ATP10A: variants seen among roughly 807,000 people sequenced by gnomAD.
The protein encoded by ATP10A is ATPase phospholipid transporting 10A (putative).
A neutral mutation model predicts 147.8 loss-of-function variants in ATP10A; 111 were observed. That is an observed-to-expected ratio of 0.75 (90% CI 0.64 to 0.88). The LOEUF (loss-of-function observed/expected upper bound fraction) is 0.88, where lower values mean the gene tolerates loss of function less well. ATP10A is among the 40% of genes least tolerant of loss of function. The pLI is 0.00. For missense variants in ATP10A, 1,927 were observed against 1,959.0 expected, an observed-to-expected ratio of 0.98 and a Z score of 0.31; for synonymous variants, 875 against 841.6, an observed-to-expected ratio of 1.04 and a Z score of -0.69.
At chr15:25,762,277 C>A (rs930370791) in intron 2 of ATP10A, among the ~76,000 whole-genome samples, 2 of 152,090 alleles carry the variant, frequency 1.3e-5, no homozygotes, top group Non-Finnish European at 2.9e-5. Flanking sequence ...TATAAATTAC[C>A]CAGTCTTGGG....
chr15:25,776,414 A>C (rs573711349), intron 2 of ATP10A, among the ~76,000 whole-genome samples: 1 of 152,366 alleles, frequency 6.6e-6, no homozygotes, highest in Admixed American at 6.5e-5. Context: ...GATAATCATT[A>C]TCTCACAAGA....
chr15:25,770,100 T>C (rs548051223), intron 2 of ATP10A, among the ~76,000 whole-genome samples: 1 of 152,292 alleles, frequency 6.6e-6, no homozygotes, highest in Non-Finnish European at 1.5e-5. Context: ...TCATGGCACC[T>C]TGTTATGGCA....
chr15:25,682,214 G>A (rs1596675150), intron 17 of ATP10A, among the ~76,000 whole-genome samples: 1 of 152,080 alleles, frequency 6.6e-6, no homozygotes, highest in Non-Finnish European at 1.5e-5. Flanking sequence ...TGCCTCTCTT[G>A]GTGGTGGGTC....
At chr15:25,780,501 G>C (rs2140704801) in intron 2 of ATP10A, among the ~76,000 whole-genome samples, 1 of 152,344 alleles carries the variant, frequency 6.6e-6, no homozygotes, top group African/African-American at 2.4e-5. Flanking sequence ...TGGAGTCGGT[G>C]TGTGCAGCTG....
At chr15:25,715,777 C>T (rs1349979844) in intron 9 of ATP10A, among the ~76,000 whole-genome samples, 3 of 152,194 alleles carry the variant, frequency 2.0e-5, no homozygotes, top group African/African-American at 7.2e-5. Context: ...CCTTGTTCAC[C>T]CCACATCGCC....
intron 20 of ATP10A, 38 bp from the exon 21 acceptor site, chr15:25,680,012 C>A: frequency 6.3e-7 from 1 of 1,583,744 alleles, no homozygotes; most frequent in Admixed American, 1.7e-5. Flanking sequence ...TTAGATATTC[C>A]TGTCGGTGGT....
intron 1 of ATP10A, among the ~76,000 whole-genome samples, chr15:25,789,636 C>G (rs915278293): frequency 2.0e-5 from 3 of 150,086 alleles, no homozygotes; most frequent in Non-Finnish European, 4.4e-5. Context: ...TAAAAAAGAC[C>G]AAACAAGACT....
chr15:25,831,966 C>T lies in ATP10A; in HGVS notation c.449+30682G>A, dbSNP rs371912683. On this transcript the variant is annotated intron_variant, in intron 1 of 20. Transcript: ENST00000555815. Reference sequence around the variant, plus strand: ...CTGAATGTCACTTTATTTGGAAATACGATCCTTGCAGATATAGTTAGTTAA... The same window carrying T: ...CTGAATGTCACTTTATTTGGAAATATGATCCTTGCAGATATAGTTAGTTAA... 1.1e-4 allele frequency among the ~76,000 whole-genome samples: 17 copies of T among 152,140 alleles called. No homozygotes were observed. In the East Asian group the frequency reaches 2.7e-3, roughly 24 times the overall value.
intron 12 of ATP10A, among the ~76,000 whole-genome samples, chr15:25,704,605 CCCA>C (rs2140353709): frequency 6.6e-6 from 1 of 152,316 alleles, no homozygotes; most frequent in East Asian, 1.9e-4. Context: ...ACTGGGTCAC[CCCA>C]CCAACACTCA....
At chr15:25,851,326 G>A (rs999296474) in intron 1 of ATP10A, among the ~76,000 whole-genome samples, 1 of 151,756 alleles carries the variant, frequency 6.6e-6, no homozygotes, top group African/African-American at 2.4e-5. Context: ...TCGTGGCCTA[G>A]GTTGAGTTTC....
At chr15:25,832,709 C>G (rs929334140) in intron 1 of ATP10A, among the ~76,000 whole-genome samples, 20 of 152,198 alleles carry the variant, frequency 1.3e-4, no homozygotes, top group African/African-American at 4.8e-4. Context: ...TTACTGGATA[C>G]TAAACTACAG....
chr15:25,696,395 A>G (rs890488220), intron 13 of ATP10A, among the ~76,000 whole-genome samples: 1 of 152,192 alleles, frequency 6.6e-6, no homozygotes, highest in African/African-American at 2.4e-5. Flanking sequence ...GGGGTGGGAT[A>G]TGGCAGTAAC....
chr15:25,690,059 G>A (rs1208669373), intron 15 of ATP10A, among the ~76,000 whole-genome samples: 3 of 152,148 alleles, frequency 2.0e-5, no homozygotes, highest in Non-Finnish European at 4.4e-5. Context: ...GGGTTCCCCC[G>A]AACAGTCGAA....
chr15:25,754,546 C>T (rs547995953), intron 2 of ATP10A, among the ~76,000 whole-genome samples: 28 of 152,214 alleles, frequency 1.8e-4, no homozygotes, highest in Non-Finnish European at 4.0e-4. Flanking sequence ...TACACACACA[C>T]GTAAGAGAAG....
At chr15:25,779,946 C>A (rs966146261) in intron 2 of ATP10A, among the ~76,000 whole-genome samples, 1 of 151,784 alleles carries the variant, frequency 6.6e-6, no homozygotes, top group African/African-American at 2.4e-5. Flanking sequence ...AGACGCCTGC[C>A]GCAGGCAGGC....
rs1313866199 is a variant in ATP10A at position 25,845,607 on chromosome 15, C to T, written c.449+17041G>A. ...GCTGACAGCAACTCTCCTGGGCTCCCTGGCCAAAGGACTACAGGGAGGGGA... is the reference window on the plus strand; with the variant it reads ...GCTGACAGCAACTCTCCTGGGCTCCTTGGCCAAAGGACTACAGGGAGGGGA... On this transcript the variant is annotated intron_variant, in intron 1 of 20. Coordinates refer to ENST00000555815, the MANE Select transcript of ATP10A (RefSeq NM_024490.4). Among the ~76,000 whole-genome samples, 3 of 152,226 alleles carry T rather than the reference C, an allele frequency of 2.0e-5. No homozygotes were observed. In the East Asian group the frequency reaches 5.8e-4, roughly 30 times the overall value.
chr15:25,747,740 G>A (rs1887922880), intron 2 of ATP10A, among the ~76,000 whole-genome samples: 2 of 152,150 alleles, frequency 1.3e-5, no homozygotes, highest in Non-Finnish European at 2.9e-5. Flanking sequence ...TTGAAAGGTA[G>A]TTTGAATCTT....
chr15:25,724,557 G>A lies in ATP10A; in HGVS notation c.980-536C>T, dbSNP rs552984110. 6.0e-4 allele frequency among the ~76,000 whole-genome samples: 91 copies of A among 152,292 alleles called. 1 individual carries two copies. Among genetic ancestry groups the A allele is most frequent in the Middle Eastern group, 3.4e-3 (1 of 292 alleles). On this transcript the variant is annotated intron_variant, in intron 5 of 20. Transcript: ENST00000555815. ...GTCCTGTACATCTGTAACTTATGCCGCTGGGCTGAGACCACATCACACCCA... is the reference window on the plus strand; with the variant it reads ...GTCCTGTACATCTGTAACTTATGCCACTGGGCTGAGACCACATCACACCCA...
chr15:25,725,022 T>C (rs558432591), intron 5 of ATP10A, among the ~76,000 whole-genome samples: 2 of 152,234 alleles, frequency 1.3e-5, no homozygotes, highest in Non-Finnish European at 2.9e-5. Context: ...AGACTGGTAC[T>C]GGTCCATGGC....
Sources: gnomAD v4.1 joint callset for allele counts (sites outside exome capture counted in the v4.1 genomes callset) on GRCh38, gnomAD v4.1.1 for gene constraint, MANE v1.5 for transcripts, NCBI Gene and HGNC (gene_info 2026-07-23, HGNC 2026-07-21) for gene names.